The following PTPRD variants were observed in gnomAD, a reference collection of about 807,000 sequenced individuals.
PTPRD encodes the protein protein tyrosine phosphatase receptor type D.
Under a neutral mutation model 214.5 loss-of-function variants are expected in PTPRD, and 34 were observed. The observed-to-expected ratio is 0.16, with a 90% CI of 0.12 to 0.21. The LOEUF is 0.21. PTPRD is among the 10% of genes least tolerant of loss of function. The pLI, the probability that PTPRD is intolerant of heterozygous loss-of-function variation, is 1.00. For missense variants in PTPRD, 2,545 were observed against 2,398.7 expected (o/e 1.06, Z -1.27); for synonymous variants, 1,128 against 845.7 (o/e 1.33, Z -5.79).
At chr9:9,631,601 G>A (rs1047550352) in intron 7 of PTPRD, among the ~76,000 whole-genome samples, 1 of 152,100 alleles carries the variant, frequency 6.6e-6, no homozygotes, top group Non-Finnish European at 1.5e-5. Context: ...AAGTCAAGTA[G>A]GTTCAGCCTA....
At chr9:9,673,922 C>T (rs1378314882) in intron 7 of PTPRD, among the ~76,000 whole-genome samples, 2 of 151,674 alleles carry the variant, frequency 1.3e-5, no homozygotes, top group African/African-American at 4.8e-5. Flanking sequence ...CAATATAGAA[C>T]ACTATACTTT....
intron 10 of PTPRD, among the ~76,000 whole-genome samples, chr9:9,059,026 TCTTATA>T (rs2099702313): frequency 6.6e-6 from 1 of 152,006 alleles, no homozygotes; most frequent in Non-Finnish European, 1.5e-5. Context: ...ACAGGGTAGG[TCTTATA>T]CTTAGGGAGA....
chr9:10,101,925 A>G (rs450485), intron 3 of PTPRD, among the ~76,000 whole-genome samples: 61,636 of 151,326 alleles, frequency 0.41, 13,435 homozygotes, highest in East Asian at 0.53. Context: ...ATTTAAGGAT[A>G]CACTGCTAAC....
chr9:8,922,910 AC>A (rs528182025), intron 11 of PTPRD, among the ~76,000 whole-genome samples: 109 of 150,284 alleles, frequency 7.3e-4, no homozygotes, highest in Admixed American at 7.2e-3. Context: ...TGATCCACCC[AC>A]CTCAGCCTCC....
At chr9:9,297,288 A>G (rs943419198) in intron 9 of PTPRD, among the ~76,000 whole-genome samples, 57 of 151,672 alleles carry the variant, frequency 3.8e-4, no homozygotes, top group African/African-American at 1.0e-3. Flanking sequence ...TTTTTCTGCA[A>G]TCTTTATAGG....
intron 7 of PTPRD, among the ~76,000 whole-genome samples, chr9:9,619,620 T>C (rs1476883351): frequency 6.9e-6 from 1 of 145,810 alleles, no homozygotes; most frequent in Admixed American, 6.9e-5. Context: ...TATCTATATA[T>C]AATAATCTAT....
intron 27 of PTPRD, among the ~76,000 whole-genome samples, chr9:8,491,819 CTCAACA>C (rs564492128): frequency 5.5e-4 from 84 of 152,276 alleles, no homozygotes; most frequent in African/African-American, 2.0e-3. Flanking sequence ...CAGGAGGGCA[CTCAACA>C]TCACAGCTGT....
intron 5 of PTPRD, among the ~76,000 whole-genome samples, chr9:9,814,360 G>A (rs1045520537): frequency 2.0e-5 from 3 of 148,798 alleles, no homozygotes; most frequent in African/African-American, 7.4e-5. Context: ...GTATTTGTTT[G>A]AAAATGACTT....
chr9:10,353,676 C>A (rs2097219506), intron 2 of PTPRD, among the ~76,000 whole-genome samples: 2 of 151,868 alleles, frequency 1.3e-5, no homozygotes, highest in African/African-American at 2.4e-5. Flanking sequence ...TCAAGACTAT[C>A]CCTCACAAAA....
At chr9:9,443,800 G>C (rs764315260) in intron 8 of PTPRD, among the ~76,000 whole-genome samples, 7 of 152,080 alleles carry the variant, frequency 4.6e-5, no homozygotes, top group Non-Finnish European at 7.4e-5. Flanking sequence ...TGGAGGTCCT[G>C]GTCCTCAGTA....
intron 14 of PTPRD, among the ~76,000 whole-genome samples, chr9:8,576,374 T>C (rs994303771): frequency 3.9e-5 from 6 of 152,106 alleles, no homozygotes; most frequent in African/African-American, 1.4e-4. Context: ...CTGATATTTG[T>C]GGGGAGAAAT....
At chr9:9,119,550 T>A (rs78340020) in intron 10 of PTPRD, among the ~76,000 whole-genome samples, 4 of 151,890 alleles carry the variant, frequency 2.6e-5, no homozygotes, top group African/African-American at 9.7e-5. Flanking sequence ...TTTTTTTTTT[T>A]AAGAAGTCTC....
At chr9:10,583,053 T>A (rs1176670830) in intron 2 of PTPRD, among the ~76,000 whole-genome samples, 1 of 152,170 alleles carries the variant, frequency 6.6e-6, no homozygotes, top group Non-Finnish European at 1.5e-5. Flanking sequence ...GATGATAAAG[T>A]CTGGGAGTGG....
chr9:8,553,878 G>A (rs536290721), intron 14 of PTPRD, among the ~76,000 whole-genome samples: 96 of 152,246 alleles, frequency 6.3e-4, no homozygotes, highest in African/African-American at 2.1e-3. Context: ...AGTCTCTTAC[G>A]AAATTCAGAG....
intron 5 of PTPRD, among the ~76,000 whole-genome samples, chr9:9,769,300 T>A (rs2098732399): frequency 6.6e-6 from 1 of 150,822 alleles, no homozygotes; most frequent in Non-Finnish European, 1.5e-5. Context: ...TTGTAAACTA[T>A]GTTTTAACCA....
intron 5 of PTPRD, among the ~76,000 whole-genome samples, chr9:9,893,750 G>A (rs552130096): frequency 4.5e-4 from 68 of 152,212 alleles, no homozygotes; most frequent in Middle Eastern, 3.4e-3. Context: ...AAAAACAACA[G>A]AAGCTTGGTT....
intron 4 of PTPRD, among the ~76,000 whole-genome samples, chr9:10,018,004 T>C (rs2096758722): frequency 6.6e-6 from 1 of 152,182 alleles, no homozygotes; most frequent in African/African-American, 2.4e-5. Flanking sequence ...AGTGGAGTTA[T>C]TATTTTTAGT....
chr9:9,470,251 G>C (rs2094498274), intron 8 of PTPRD, among the ~76,000 whole-genome samples: 1 of 152,076 alleles, frequency 6.6e-6, no homozygotes, highest in Admixed American at 6.5e-5. Context: ...TATATTTGCA[G>C]CATTTTTGTA....
intron 3 of PTPRD, among the ~76,000 whole-genome samples, chr9:10,171,341 C>T (rs10809034): frequency 0.44 from 66,480 of 151,494 alleles, 16,071 homozygotes; most frequent in African/African-American, 0.65. Flanking sequence ...GATATGGTTC[C>T]TGATACGAGA....
Sources: gnomAD v4.1 joint callset for allele counts (sites outside exome capture counted in the v4.1 genomes callset) on GRCh38, gnomAD v4.1.1 for gene constraint, MANE v1.5 for transcripts, NCBI Gene and HGNC (gene_info 2026-07-23, HGNC 2026-07-21) for gene names.